Variants in COMMD6 observed in about 807,000 individuals in gnomAD.
COMMD6 encodes the protein COMM domain containing 6.
Under a neutral mutation model 13.4 loss-of-function variants are expected in COMMD6, and 11 were observed. The observed-to-expected ratio is 0.82, with a 90% CI of 0.52 to 1.36. The LOEUF is 1.36. Among genes scored for constraint, COMMD6 ranks in the 40% most tolerant of loss-of-function variants. The pLI, the probability that COMMD6 is intolerant of heterozygous loss-of-function variation, is 0.00. For synonymous variants in COMMD6, 43 were observed against 36.5 expected (o/e 1.18, Z -0.64); for missense variants, 124 against 102.4 (o/e 1.21, Z -0.91).
chr13:75,538,142 G>C (rs1289636011), upstream of COMMD6, among the ~76,000 whole-genome samples: 2 of 152,234 alleles, frequency 1.3e-5, no homozygotes, highest in Admixed American at 1.3e-4. Flanking sequence ...GCATCCCGCT[G>C]CGCGGCTCCT....
At chr13:75,532,928 G>GT (rs1364203181) in intron 2 of COMMD6, among the ~76,000 whole-genome samples, 7 of 146,224 alleles carry the variant, frequency 4.8e-5, no homozygotes, top group African/African-American at 1.8e-4. Context: ...GAAAGTTTTT[G>GT]TTTTGTTTTT....
intron 1 of COMMD6, among the ~76,000 whole-genome samples, chr13:75,546,285 T>C (rs1032350315): frequency 2.0e-5 from 3 of 152,218 alleles, no homozygotes; most frequent in African/African-American, 7.2e-5. Context: ...AAATATGGAC[T>C]ATTGGAGGAA....
rs907064509 is a variant in COMMD6, at chr13:75,526,506, T to C, written c.*83A>G. On this transcript the variant is annotated 3_prime_UTR_variant, in exon 4 of 4. Transcript: ENST00000682242. ...AAGTGCATTTTTCATTCAATAAATG[T>C]TCCATCCTTATTTAGTTTTGTTGCC... is the stretch of plus-strand genomic sequence containing the variant. 21 of 917,746 alleles carry C rather than the reference T, an allele frequency of 2.3e-5. No individual in the cohort carries two copies. The highest frequency in any genetic ancestry group is 2.4e-4 in the Middle Eastern group (1 of 4,202). The allele number at this position is 917,746 out of a possible 1,614,324, so 56.9% of individuals were successfully genotyped here. A position where few individuals can be genotyped will look rare whatever the true frequency, so the allele number is the denominator to read the frequency against.
At chr13:75,527,976 C>A in intron 3 of COMMD6, 8 of 1,082,124 alleles carry the variant, frequency 7.4e-6, no homozygotes, top group Non-Finnish European at 8.4e-6. Context: ...TTGAAATTTG[C>A]TAAAAAACAT....
At chr13:75,549,162 T>C (rs3812846) in intron 1 of COMMD6, among the ~76,000 whole-genome samples, 87,773 of 152,106 alleles carry the variant, frequency 0.58, 27,086 homozygotes, top group Non-Finnish European at 0.69. Context: ...GCCTCTACTC[T>C]ACAGTGAACT....
chr13:75,530,820 A>T (rs9573578), intron 2 of COMMD6, among the ~76,000 whole-genome samples: 2 of 152,058 alleles, frequency 1.3e-5, no homozygotes, highest in Non-Finnish European at 2.9e-5. Flanking sequence ...ATGTGCATAA[A>T]GTCACACATT....
At position 75,526,591 on chromosome 13, in the gene COMMD6, A is replaced by C; in HGVS notation, c.256T>G (p.Ter86GlyextTer25). The change falls in exon 4 of 4, where the codon TGA (stop) becomes GGA (glycine). Residue 86 changes from the stop codon to glycine, a stop_lost. Coordinates refer to ENST00000682242, the MANE Select transcript of COMMD6 (RefSeq NM_203495.4). Reference protein sequence around the residue: ...KEIAAVIETV* With the variant: ...KEIAAVIETVG Reference sequence around the variant, plus strand: ...TTTATCAACCAAAGAATCCGTCTTCACACCGTTTCAATAACTGCAGCAATT... The same window carrying C: ...TTTATCAACCAAAGAATCCGTCTTCCCACCGTTTCAATAACTGCAGCAATT... The C allele has an allele frequency of 6.2e-7, 1 of 1,603,502 alleles. No individual in the cohort carries two copies. Among genetic ancestry groups the C allele is most frequent in the Non-Finnish European group, 8.5e-7 (1 of 1,172,964 alleles).
At chr13:75,543,365 GA>G (rs2030855523), upstream of COMMD6, among the ~76,000 whole-genome samples, 1 of 152,098 alleles carries the variant, frequency 6.6e-6, no homozygotes, top group Admixed American at 6.5e-5. Context: ...GAATAGGAAA[GA>G]AAATGGACTC....
chr13:75,537,878 GCCCCT>G (rs2030741322), upstream of COMMD6: 2 of 1,465,798 alleles, frequency 1.4e-6, no homozygotes, highest in Non-Finnish European at 1.8e-6. Flanking sequence ...TCCACGTCCT[GCCCCT>G]AGCGGCCTGG....
At chr13:75,543,355 G>C (rs551418896), upstream of COMMD6, among the ~76,000 whole-genome samples, 2 of 152,168 alleles carry the variant, frequency 1.3e-5, no homozygotes, top group East Asian at 3.9e-4. Context: ...AAAACAGCTG[G>C]AATAGGAAAG....
At chr13:75,540,754 C>T (rs1416517771), upstream of COMMD6, among the ~76,000 whole-genome samples, 1 of 152,138 alleles carries the variant, frequency 6.6e-6, no homozygotes, top group Non-Finnish European at 1.5e-5. Flanking sequence ...TACATAATGA[C>T]ATATAAGTAG....
chr13:75,532,559 C>T lies in COMMD6; in HGVS notation c.55-2293G>A, dbSNP rs570660375. On this transcript the variant is annotated intron_variant, in intron 2 of 3. Coordinates refer to ENST00000682242, the MANE Select transcript of COMMD6 (RefSeq NM_203495.4). ...AACATTTTATCTGTCTTGCTGGGTG[C>T]GGTGGCTCACGCCTGTAATCCCAGC... 2.0e-3 allele frequency among the ~76,000 whole-genome samples: 312 copies of T among 152,200 alleles called. 1 individual carries two copies. Among genetic ancestry groups the T allele is most frequent in the Non-Finnish European group, 3.0e-3 (204 of 67,988 alleles).
chr13:75,536,766 T>C (rs139738020), intron 2 of COMMD6, among the ~76,000 whole-genome samples: 297 of 152,338 alleles, frequency 1.9e-3, no homozygotes, highest in Non-Finnish European at 3.6e-3. Flanking sequence ...AATAAATTTG[T>C]GTTTAAGCCA....
intron 1 of COMMD6, among the ~76,000 whole-genome samples, chr13:75,548,816 A>G (rs2030964828): frequency 6.6e-6 from 1 of 152,224 alleles, no homozygotes; most frequent in African/African-American, 2.4e-5. Flanking sequence ...AAAAAGATAC[A>G]TGACAAATCC....
chr13:75,541,747 T>G (rs1251543489), upstream of COMMD6, among the ~76,000 whole-genome samples: 1 of 152,030 alleles, frequency 6.6e-6, no homozygotes, highest in Non-Finnish European at 1.5e-5. Context: ...ACAAAATAAA[T>G]GTGCACTCAA....
chr13:75,535,440 T>C (rs1470290574), intron 2 of COMMD6, among the ~76,000 whole-genome samples: 1 of 152,234 alleles, frequency 6.6e-6, no homozygotes, highest in Non-Finnish European at 1.5e-5. Context: ...AAGACCCTGT[T>C]ACAAGGCTAC....
At chr13:75,532,161 G>T (rs1463901233) in intron 2 of COMMD6, among the ~76,000 whole-genome samples, 1 of 152,208 alleles carries the variant, frequency 6.6e-6, no homozygotes, top group Admixed American at 6.5e-5. Flanking sequence ...GGAGCATCTG[G>T]TGGGCTTCTG....
intron 1 of COMMD6, among the ~76,000 whole-genome samples, chr13:75,546,580 T>G (rs1397596536): frequency 8.4e-6 from 1 of 119,460 alleles, no homozygotes; most frequent in Non-Finnish European, 2.0e-5. Flanking sequence ...GATTCAGCAG[T>G]TGCTGCAAAA....
In COMMD6 at chr13:75,526,608, G is replaced by A; in HGVS notation, c.239C>T (p.Ala80Val). The A allele has an allele frequency of 6.2e-7, 1 of 1,606,744 alleles. No homozygotes were observed. Among genetic ancestry groups the A allele is most frequent in the South Asian group, 1.1e-5 (1 of 89,976 alleles). ...NFYRQFKEIAAVIETV is the reference protein window; with the variant it reads ...NFYRQFKEIAVVIETV ...CCGTCTTCACACCGTTTCAATAACT[G>A]CAGCAATTTCCTTGAACTGTCTGTA... Residue 80 changes from alanine (A) to valine (V), a missense_variant, in exon 4 of 4, where the codon GCA (alanine) becomes GTA (valine). Coordinates refer to ENST00000682242, the MANE Select transcript of COMMD6 (RefSeq NM_203495.4).
Sources: allele counts gnomAD v4.1 joint callset (sites outside exome capture counted in the v4.1 genomes callset), GRCh38; gene constraint gnomAD v4.1.1; transcripts MANE v1.5; gene names NCBI Gene and HGNC (gene_info 2026-07-23, HGNC 2026-07-21).